PTPRM: variants seen among roughly 807,000 people sequenced by gnomAD.
PTPRM encodes the protein protein tyrosine phosphatase receptor type M.
In PTPRM, 47 loss-of-function variants were observed where a neutral mutation model predicts 186.7. The ratio of observed to expected loss-of-function variants is 0.25; its 90% CI spans 0.20 to 0.32. The LOEUF (loss-of-function observed/expected upper bound fraction) is 0.32, where lower values mean the gene tolerates loss of function less well. PTPRM is among the 10% of genes least tolerant of loss of function. PTPRM has a pLI of 1.00. For missense variants in PTPRM, 1,494 were observed against 1,865.0 expected (o/e 0.80, Z 3.66); for synonymous variants, 668 against 674.9 (o/e 0.99, Z 0.16).
chr18:7,584,481 CAGA>C (rs2036924887), intron 1 of PTPRM, among the ~76,000 whole-genome samples: 1 of 152,122 alleles, frequency 6.6e-6, no homozygotes, highest in Non-Finnish European at 1.5e-5. Flanking sequence ...ACTCAAGGCC[CAGA>C]AAAGTAAAAT....
chr18:8,094,537 A>G (rs2090920710), intron 11 of PTPRM, among the ~76,000 whole-genome samples: 1 of 152,148 alleles, frequency 6.6e-6, no homozygotes, highest in South Asian at 2.1e-4. Context: ...GTGCAAGACC[A>G]GCCTGGGCAA....
intron 1 of PTPRM, among the ~76,000 whole-genome samples, chr18:7,605,028 T>G (rs2037496010): frequency 6.6e-6 from 1 of 152,208 alleles, no homozygotes; most frequent in Non-Finnish European, 1.5e-5. Context: ...AAAGTTTCAG[T>G]GCAACACAGG....
At chr18:8,207,224 A>T (rs1301323396) in intron 14 of PTPRM, among the ~76,000 whole-genome samples, 1 of 152,212 alleles carries the variant, frequency 6.6e-6, no homozygotes, top group Non-Finnish European at 1.5e-5. Flanking sequence ...GACTAGAGAA[A>T]TAAAATTTGG....
chr18:7,910,873 T>A (rs905790770), intron 4 of PTPRM, among the ~76,000 whole-genome samples: 7 of 152,150 alleles, frequency 4.6e-5, no homozygotes, highest in African/African-American at 1.7e-4. Context: ...GATTTAGTTC[T>A]AGGAAGTCAG....
At chr18:7,801,314 C>A (rs1480559746) in intron 2 of PTPRM, among the ~76,000 whole-genome samples, 1 of 151,592 alleles carries the variant, frequency 6.6e-6, no homozygotes. Context: ...TTTTTCTTTA[C>A]TTTTTAAACA....
chr18:8,094,872 G>A (rs193224471), intron 11 of PTPRM, among the ~76,000 whole-genome samples: 112 of 152,218 alleles, frequency 7.4e-4, no homozygotes, highest in African/African-American at 2.6e-3. Context: ...ATGACATAGA[G>A]AAGGACACAT....
chr18:7,775,372 G>C (rs1009861711), intron 2 of PTPRM, among the ~76,000 whole-genome samples: 1 of 152,200 alleles, frequency 6.6e-6, no homozygotes, highest in Non-Finnish European at 1.5e-5. Context: ...GTATGTGTGT[G>C]TGCTGTTGAA....
At chr18:7,864,411 A>G (rs1372939879) in intron 2 of PTPRM, among the ~76,000 whole-genome samples, 1 of 152,252 alleles carries the variant, frequency 6.6e-6, no homozygotes, top group South Asian at 2.1e-4. Flanking sequence ...AGTTTTCTGC[A>G]TATGGCTGGC....
At chr18:8,313,815 C>G (rs1390213853) in intron 20 of PTPRM, among the ~76,000 whole-genome samples, 1 of 151,954 alleles carries the variant, frequency 6.6e-6, no homozygotes, top group Admixed American at 6.6e-5. Context: ...TAGCTTAGCT[C>G]CCATTTATGA....
chr18:7,901,582 G>T (rs1005292537), intron 3 of PTPRM, among the ~76,000 whole-genome samples: 3 of 152,004 alleles, frequency 2.0e-5, no homozygotes, highest in Non-Finnish European at 4.4e-5. Flanking sequence ...GCCAGGATGG[G>T]CTCGATCCCT....
At chr18:8,191,883 T>C (rs1189734997) in intron 14 of PTPRM, among the ~76,000 whole-genome samples, 1 of 152,190 alleles carries the variant, frequency 6.6e-6, no homozygotes, top group African/African-American at 2.4e-5. Flanking sequence ...TCTGACTATG[T>C]AGCAAATTGA....
At chr18:8,322,025 C>A (rs201244184) in intron 22 of PTPRM, among the ~76,000 whole-genome samples, 3 of 152,136 alleles carry the variant, frequency 2.0e-5, no homozygotes, top group Non-Finnish European at 2.9e-5. Flanking sequence ...AAGAGGCCAA[C>A]AAAATGGGCA....
At position 7,817,035 on chromosome 18, in the gene PTPRM, C is replaced by T. The variant is rs1287918771; in HGVS notation, c.196+42764C>T. ...TGGCGCCCAGGCTGGAGGGCAGGGG[C>T]GTGATCTCGGCTCACTGCAACCTCT... On this transcript the variant is annotated intron_variant, in intron 2 of 32. Transcript: ENST00000580170. Among the ~76,000 whole-genome samples, 6 of 142,480 alleles carry T rather than the reference C, an allele frequency of 4.2e-5. No individual in the cohort carries two copies. In the South Asian group the frequency reaches 8.8e-4, roughly 21 times the overall value. The allele number at this position is 142,480 out of a possible 152,430, so 93.5% of individuals were successfully genotyped here. A position where few individuals can be genotyped will look rare whatever the true frequency, so the allele number is the denominator to read the frequency against.
chr18:8,048,357 C>A (rs1279461891), intron 7 of PTPRM, among the ~76,000 whole-genome samples: 2 of 151,282 alleles, frequency 1.3e-5, no homozygotes, highest in African/African-American at 4.9e-5. Flanking sequence ...TTCTTTCTAT[C>A]TTTTTAAAAT....
At chr18:7,658,400 G>A (rs1296963682) in intron 1 of PTPRM, among the ~76,000 whole-genome samples, 3 of 146,546 alleles carry the variant, frequency 2.0e-5, no homozygotes, top group Non-Finnish European at 4.5e-5. Context: ...AACAACTTTA[G>A]TACAAGAGGT....
At chr18:7,746,497 G>T (rs568856133) in intron 1 of PTPRM, among the ~76,000 whole-genome samples, 10 of 150,936 alleles carry the variant, frequency 6.6e-5, no homozygotes, top group Admixed American at 4.0e-4. Context: ...AAGAAGTCTC[G>T]CTCTGTCGCC....
intron 2 of PTPRM, among the ~76,000 whole-genome samples, chr18:7,816,751 A>G (rs890706746): frequency 2.0e-5 from 3 of 152,172 alleles, no homozygotes; most frequent in Admixed American, 2.0e-4. Context: ...CATATAAATT[A>G]AAGGAATACT....
intron 1 of PTPRM, among the ~76,000 whole-genome samples, chr18:7,771,456 G>A (rs73393561): frequency 0.053 from 8,067 of 152,144 alleles, 670 homozygotes; most frequent in African/African-American, 0.18. Flanking sequence ...TTAGTATTAC[G>A]CATTTGAAAC....
At chr18:7,684,822 T>C (rs2039562237) in intron 1 of PTPRM, among the ~76,000 whole-genome samples, 1 of 152,230 alleles carries the variant, frequency 6.6e-6, no homozygotes, top group Non-Finnish European at 1.5e-5. Context: ...TACTAATAGC[T>C]CTTCAGGATC....
Sources: allele counts gnomAD v4.1 joint callset (sites outside exome capture counted in the v4.1 genomes callset), GRCh38; gene constraint gnomAD v4.1.1; transcripts MANE v1.5; gene names NCBI Gene and HGNC (gene_info 2026-07-23, HGNC 2026-07-21).